Variants in CEP85L observed in about 807,000 individuals in gnomAD.
CEP85L encodes centrosomal protein 85L, also known as centrosomal protein of 85 kDa-like.
Under a neutral mutation model 100.3 loss-of-function variants are expected in CEP85L, and 60 were observed. The ratio of observed to expected loss-of-function variants is 0.60; its 90% CI spans 0.49 to 0.74. The LOEUF is 0.74. Among genes scored for constraint, CEP85L ranks in the 30% least tolerant of loss-of-function variants. The pLI is 0.00. For missense variants in CEP85L, 973 were observed against 936.2 expected (o/e 1.04, Z -0.51); for synonymous variants, 319 against 322.7 (o/e 0.99, Z 0.12).
chr6:118,656,805 C>G (rs1775809226), upstream of CEP85L: 1 of 152,168 alleles, frequency 6.6e-6, no homozygotes, highest in South Asian at 2.1e-4. Flanking sequence ...TAAAATATAA[C>G]AATAGATTAT....
intron 1 of CEP85L, among the ~76,000 whole-genome samples, chr6:118,669,350 A>G (rs1776227147): frequency 6.6e-6 from 1 of 152,170 alleles, no homozygotes; most frequent in Admixed American, 6.5e-5. Flanking sequence ...GGCATTAGGG[A>G]AACTTAAAAA....
At chr6:118,638,680 C>T (rs1477893155) in intron 1 of CEP85L, among the ~76,000 whole-genome samples, 2 of 151,322 alleles carry the variant, frequency 1.3e-5, no homozygotes, top group Non-Finnish European at 2.9e-5. Flanking sequence ...AGAAACTCTA[C>T]ATTGGAACTC....
intron 2 of CEP85L, among the ~76,000 whole-genome samples, chr6:118,621,990 C>T (rs113208197): frequency 8.7e-4 from 132 of 152,248 alleles, no homozygotes; most frequent in African/African-American, 2.4e-3. Flanking sequence ...AGCCTTCCCA[C>T]GGGACAAAAT....
intron 1 of CEP85L, among the ~76,000 whole-genome samples, chr6:118,666,131 T>G (rs533630770): frequency 6.6e-6 from 1 of 152,388 alleles, no homozygotes; most frequent in South Asian, 2.1e-4. Context: ...GATTCCTGGC[T>G]ACTTTGCTGG....
chr6:118,672,587 G>A (rs1262431771), intron 1 of CEP85L, among the ~76,000 whole-genome samples: 1 of 152,070 alleles, frequency 6.6e-6, no homozygotes, highest in Non-Finnish European at 1.5e-5. Context: ...GCAACATGGT[G>A]AGACTTCATT....
At chr6:118,529,750 A>AT (rs1777187447) in intron 3 of CEP85L, among the ~76,000 whole-genome samples, 1 of 152,150 alleles carries the variant, frequency 6.6e-6, no homozygotes, top group African/African-American at 2.4e-5. Flanking sequence ...GTATACATAA[A>AT]TATCTACTTT....
At chr6:118,623,324 T>C (rs1340708406) in intron 2 of CEP85L, among the ~76,000 whole-genome samples, 4 of 152,220 alleles carry the variant, frequency 2.6e-5, no homozygotes. Flanking sequence ...CAATACTTGT[T>C]GGTCTATGTT....
At chr6:118,540,207 A>G (rs2114873139) in intron 3 of CEP85L, among the ~76,000 whole-genome samples, 1 of 152,256 alleles carries the variant, frequency 6.6e-6, no homozygotes, top group Non-Finnish European at 1.5e-5. Context: ...CAGGTACTGT[A>G]ATTAGCATAC....
chr6:118,565,697 T>C lies in CEP85L; in HGVS notation c.852A>G (p.Ala284=), dbSNP rs1305724208. 1.2e-6 allele frequency: 2 copies of C among 1,614,102 alleles called. No homozygotes were observed. Among genetic ancestry groups the C allele is most frequent in the Non-Finnish European group, 1.7e-6 (2 of 1,180,030 alleles). ...AAGGCTGAATGGGAACTCCACCTAC[T>C]GCCTGTTGACCAAGCATTAAATATT... ...PPKYLMLGQQ[A]VGGVPIQPSV... Residue 284 remains alanine, a synonymous_variant, in exon 3 of 13, where the codon GCA becomes GCG. Coordinates refer to ENST00000368491, the MANE Select transcript of CEP85L (RefSeq NM_001042475.3).
intron 2 of CEP85L, among the ~76,000 whole-genome samples, chr6:118,622,422 G>A (rs1158951911): frequency 1.3e-5 from 2 of 152,168 alleles, no homozygotes; most frequent in African/African-American, 4.8e-5. Flanking sequence ...TATGCCGCCT[G>A]GGAGGATCTC....
At chr6:118,661,176 C>T (rs1052504189) in intron 1 of CEP85L, among the ~76,000 whole-genome samples, 8 of 152,040 alleles carry the variant, frequency 5.3e-5, no homozygotes, top group African/African-American at 1.2e-4. Context: ...TGAGCCACCG[C>T]GCCCAGCCAA....
At chr6:118,667,402 C>T (rs970007565) in intron 1 of CEP85L, among the ~76,000 whole-genome samples, 7 of 152,050 alleles carry the variant, frequency 4.6e-5, no homozygotes, top group Admixed American at 3.3e-4. Context: ...TGACAACTAG[C>T]AATATTTGGG....
At chr6:118,646,172 G>C (rs145885002) in intron 1 of CEP85L, among the ~76,000 whole-genome samples, 1 of 152,154 alleles carries the variant, frequency 6.6e-6, no homozygotes, top group African/African-American at 2.4e-5. Context: ...AGCCGAGATT[G>C]CGCCATTGCA....
At chr6:118,468,047 A>C (rs1772662061) in intron 12 of CEP85L, among the ~76,000 whole-genome samples, 1 of 152,222 alleles carries the variant, frequency 6.6e-6, no homozygotes, top group Admixed American at 6.5e-5. Context: ...AAGGCATCTG[A>C]TAAATGTTTA....
chr6:118,620,431 G>T (rs1738842202), intron 2 of CEP85L, among the ~76,000 whole-genome samples: 1 of 152,174 alleles, frequency 6.6e-6, no homozygotes, highest in Non-Finnish European at 1.5e-5. Context: ...AATGGAGCAG[G>T]ACAATCACCT....
chr6:118,683,185 C>T (rs1407735147), intron 1 of CEP85L, among the ~76,000 whole-genome samples: 2 of 152,100 alleles, frequency 1.3e-5, no homozygotes. Flanking sequence ...GGCTCTTATA[C>T]TATGATTATA....
intron 2 of CEP85L, among the ~76,000 whole-genome samples, chr6:118,620,188 T>C (rs1241164662): frequency 6.6e-6 from 1 of 152,174 alleles, no homozygotes; most frequent in African/African-American, 2.4e-5. Flanking sequence ...GGCCAACTTA[T>C]TCTAAAGGAT....
intron 4 of CEP85L, among the ~76,000 whole-genome samples, chr6:118,516,927 G>C (rs1402335651): frequency 1.3e-5 from 2 of 152,124 alleles, no homozygotes; most frequent in East Asian, 3.9e-4. Flanking sequence ...TTTTGTTTAA[G>C]GTGTAAGGAA....
intron 3 of CEP85L, among the ~76,000 whole-genome samples, chr6:118,558,189 G>GAACT (rs1465516987): frequency 6.6e-6 from 1 of 152,112 alleles, no homozygotes; most frequent in Non-Finnish European, 1.5e-5. Context: ...GACCTCAGGG[G>GAACT]AACTGCCCGC....
Sources: gnomAD v4.1 joint callset for allele counts (sites outside exome capture counted in the v4.1 genomes callset) on GRCh38, gnomAD v4.1.1 for gene constraint, MANE v1.5 for transcripts, NCBI Gene and HGNC (gene_info 2026-07-23, HGNC 2026-07-21) for gene names.